UNC5D: variants seen among roughly 807,000 people sequenced by gnomAD.
The protein encoded by UNC5D is unc-5 netrin receptor D.
In UNC5D, 39 loss-of-function variants were observed where a neutral mutation model predicts 105.4. The observed-to-expected ratio is 0.37, with a 90% CI of 0.29 to 0.48. UNC5D has a LOEUF of 0.48. Ranked by LOEUF, UNC5D falls within the 20% of genes least tolerant of loss-of-function variation. The probability of loss-of-function intolerance (pLI) is 0.98; values close to 1 mark genes in which losing one functional copy is unlikely to be tolerated. For missense variants in UNC5D, 991 were observed against 1,202.4 expected (o/e 0.82, Z 2.60); for synonymous variants, 452 against 450.4 (o/e 1.00, Z -0.04).
intron 1 of UNC5D, among the ~76,000 whole-genome samples, chr8:35,456,811 A>G (rs1210082929): frequency 6.6e-6 from 1 of 152,194 alleles, no homozygotes; most frequent in African/African-American, 2.4e-5. Flanking sequence ...TCCTTAGTGA[A>G]GTTCTTTGGC....
At chr8:35,628,958 T>G (rs1430337373) in intron 4 of UNC5D, among the ~76,000 whole-genome samples, 1 of 152,186 alleles carries the variant, frequency 6.6e-6, no homozygotes, top group Non-Finnish European at 1.5e-5. Flanking sequence ...AATCTCAAAA[T>G]GAAAACAGTC....
chr8:35,553,369 A>G (rs928859998), intron 2 of UNC5D, among the ~76,000 whole-genome samples: 3 of 151,118 alleles, frequency 2.0e-5, no homozygotes, highest in African/African-American at 7.3e-5. Flanking sequence ...AAAAAAAAAG[A>G]AAGCCAATAA....
At chr8:35,607,647 T>C (rs980971714) in intron 4 of UNC5D, among the ~76,000 whole-genome samples, 12 of 152,104 alleles carry the variant, frequency 7.9e-5, no homozygotes, top group African/African-American at 2.7e-4. Flanking sequence ...GTGAGTGAGT[T>C]CTCACGATAT....
intron 2 of UNC5D, among the ~76,000 whole-genome samples, chr8:35,558,126 CA>C (rs34368244): frequency 0.29 from 24,513 of 84,068 alleles, 2,224 homozygotes; most frequent in African/African-American, 0.34. Flanking sequence ...AACTTCGTCT[CA>C]AAAAAAAAAA....
chr8:35,353,369 G>A (rs760221564), intron 1 of UNC5D, among the ~76,000 whole-genome samples: 3 of 152,086 alleles, frequency 2.0e-5, no homozygotes, highest in East Asian at 1.9e-4. Flanking sequence ...TTTGTCACCC[G>A]CCAAATTGGC....
At chr8:35,718,272 A>G (rs1286677194) in intron 8 of UNC5D, among the ~76,000 whole-genome samples, 1 of 152,220 alleles carries the variant, frequency 6.6e-6, no homozygotes, top group Non-Finnish European at 1.5e-5. Flanking sequence ...TATGAAACAG[A>G]AAAGGAAAAG....
chr8:35,521,484 A>G (rs560391721), intron 1 of UNC5D, among the ~76,000 whole-genome samples: 2 of 152,320 alleles, frequency 1.3e-5, no homozygotes, highest in South Asian at 2.1e-4. Context: ...TTGATGTGTG[A>G]CAGAGAAACA....
intron 1 of UNC5D, among the ~76,000 whole-genome samples, chr8:35,329,960 G>C (rs2128893149): frequency 6.6e-6 from 1 of 152,310 alleles, no homozygotes; most frequent in Middle Eastern, 3.4e-3. Context: ...CCTGCTGAGT[G>C]CTTCAGTGGC....
At chr8:35,564,628 G>A (rs932430544) in intron 2 of UNC5D, among the ~76,000 whole-genome samples, 3 of 152,126 alleles carry the variant, frequency 2.0e-5, no homozygotes, top group Admixed American at 1.3e-4. Context: ...TTAGAGGTAC[G>A]AGTGGTTTTT....
intron 16 of UNC5D, among the ~76,000 whole-genome samples, chr8:35,783,987 A>T (rs1259883542): frequency 2.0e-5 from 3 of 152,108 alleles, no homozygotes; most frequent in East Asian, 3.9e-4. Flanking sequence ...AAGATTCTAT[A>T]AAAAAATTTG....
Position 35,620,776 on chromosome 8 carries a change from T to C in UNC5D, c.570+25119T>C, listed in dbSNP as rs183905864. On this transcript the variant is annotated intron_variant, in intron 4 of 16. Transcript: ENST00000404895. Reference sequence around the variant, plus strand: ...GGGCTTTCATCCCTGAGTTTCCTAGTTTCTGTTGTCTTCCTGGCTCCCAAA... The same window carrying C: ...GGGCTTTCATCCCTGAGTTTCCTAGCTTCTGTTGTCTTCCTGGCTCCCAAA... Among the ~76,000 whole-genome samples, 41 of 152,338 alleles carry C rather than the reference T, an allele frequency of 2.7e-4. No homozygotes were observed. In the East Asian group the frequency reaches 7.5e-3, roughly 28 times the overall value.
chr8:35,782,578 A>C (rs2131779469), intron 16 of UNC5D, among the ~76,000 whole-genome samples: 1 of 147,898 alleles, frequency 6.8e-6, no homozygotes, highest in African/African-American at 2.5e-5. Flanking sequence ...ATCTAGGCTC[A>C]CTGCAACCTC....
At chr8:35,588,004 C>T (rs1185189465) in intron 3 of UNC5D, among the ~76,000 whole-genome samples, 12 of 113,148 alleles carry the variant, frequency 1.1e-4, no homozygotes, top group South Asian at 3.4e-4. Flanking sequence ...ACTAATCCCA[C>T]ACCAGTTGCT....
At chr8:35,496,834 C>G (rs1811629479) in intron 1 of UNC5D, among the ~76,000 whole-genome samples, 1 of 152,090 alleles carries the variant, frequency 6.6e-6, no homozygotes, top group Non-Finnish European at 1.5e-5. Flanking sequence ...TACAGATTTG[C>G]CTTTTCTGGA....
chr8:35,394,795 A>G (rs1288601531), intron 1 of UNC5D, among the ~76,000 whole-genome samples: 1 of 152,330 alleles, frequency 6.6e-6, no homozygotes, highest in Admixed American at 6.5e-5. Context: ...ATGTAGAAGT[A>G]TGATTTCTCT....
chr8:35,570,775 GA>G (rs572947039), intron 3 of UNC5D, among the ~76,000 whole-genome samples: 224 of 151,590 alleles, frequency 1.5e-3, no homozygotes, highest in Non-Finnish European at 2.6e-3. Flanking sequence ...CCAACATGGA[GA>G]AACCCCATCT....
At chr8:35,265,698 T>TTC (rs1804814311) in intron 1 of UNC5D, among the ~76,000 whole-genome samples, 1 of 151,842 alleles carries the variant, frequency 6.6e-6, no homozygotes, top group Non-Finnish European at 1.5e-5. Flanking sequence ...GTGAAACCTC[T>TTC]TCTCTACTAA....
chr8:35,760,738 G>A (rs539505736), intron 14 of UNC5D, among the ~76,000 whole-genome samples: 5 of 151,532 alleles, frequency 3.3e-5, no homozygotes, highest in East Asian at 3.9e-4. Flanking sequence ...AATGTGTAGC[G>A]TCCTCTGCGT....
At chr8:35,654,553 A>T (rs368623960) in intron 4 of UNC5D, among the ~76,000 whole-genome samples, 97 of 152,012 alleles carry the variant, frequency 6.4e-4, no homozygotes, top group Non-Finnish European at 1.1e-3. Context: ...CACCCAGATC[A>T]CTCCTTGAGA....
Sources: allele counts gnomAD v4.1 joint callset (sites outside exome capture counted in the v4.1 genomes callset), GRCh38; gene constraint gnomAD v4.1.1; transcripts MANE v1.5; gene names NCBI Gene and HGNC (gene_info 2026-07-23, HGNC 2026-07-21).